The following SLC35F1 variants were observed in gnomAD, a reference collection of about 807,000 sequenced individuals.
The protein encoded by SLC35F1 is chromosome 6 open reading frame 169.
SLC35F1 carries 14 observed loss-of-function variants against 48.7 expected under a neutral mutation model. The ratio of observed to expected loss-of-function variants is 0.29; its 90% CI spans 0.19 to 0.45. The LOEUF (loss-of-function observed/expected upper bound fraction) is 0.45, where lower values mean the gene tolerates loss of function less well. SLC35F1 is among the 20% of genes least tolerant of loss of function. The pLI is 1.00. For synonymous variants in SLC35F1, 190 were observed against 202.2 expected (o/e 0.94, Z 0.51); for missense variants, 404 against 500.0 (o/e 0.81, Z 1.83).
chr6:118,193,407 G>A lies in SLC35F1; in HGVS notation c.349+38787G>A, dbSNP rs2184443. On this transcript the variant is annotated intron_variant, in intron 2 of 7. Transcript: ENST00000360388. ...AATAATACCCCTTTAACTTTAGTCA[G>A]TGTCCACACAGAATTTCTTTTTATA... Among the ~76,000 whole-genome samples the A allele has an allele frequency of 9.4e-3, 1,434 of 152,216 alleles. 26 individuals are homozygous for A. Among genetic ancestry groups the A allele is most frequent in the African/African-American group, 0.033 (1,378 of 41,536 alleles).
intron 1 of SLC35F1, among the ~76,000 whole-genome samples, chr6:118,040,664 G>C (rs920934175): frequency 6.6e-6 from 1 of 151,868 alleles, no homozygotes; most frequent in Non-Finnish European, 1.5e-5. Flanking sequence ...GGACATTAAA[G>C]GTTAGTAGTT....
At chr6:117,920,160 G>C (rs777129592) in intron 1 of SLC35F1, among the ~76,000 whole-genome samples, 18 of 152,222 alleles carry the variant, frequency 1.2e-4, no homozygotes, top group Non-Finnish European at 1.8e-4. Context: ...TCTTAGAGAG[G>C]GGCCCTGTCC....
intron 3 of SLC35F1, among the ~76,000 whole-genome samples, chr6:118,265,878 G>T (rs1213679016): frequency 6.6e-6 from 1 of 152,208 alleles, no homozygotes; most frequent in African/African-American, 2.4e-5. Flanking sequence ...GGAACTTGCA[G>T]TTCTATGTGA....
At chr6:117,998,132 C>G (rs918879814) in intron 1 of SLC35F1, among the ~76,000 whole-genome samples, 1 of 150,004 alleles carries the variant, frequency 6.7e-6, no homozygotes, top group Non-Finnish European at 1.5e-5. Context: ...ATCCTATTCT[C>G]TGATAAAACA....
intron 1 of SLC35F1, among the ~76,000 whole-genome samples, chr6:118,045,257 GAC>G (rs1385773130): frequency 1.3e-5 from 2 of 152,112 alleles, no homozygotes; most frequent in Non-Finnish European, 2.9e-5. Context: ...TTTGAAATTA[GAC>G]CTGCTTTGCA....
chr6:118,215,413 T>C (rs1402428569), intron 2 of SLC35F1, among the ~76,000 whole-genome samples: 1 of 151,872 alleles, frequency 6.6e-6, no homozygotes, highest in African/African-American at 2.4e-5. Context: ...CTAATATGTA[T>C]TAAAGGTTAT....
At chr6:118,209,065 G>C (rs1774971844) in intron 2 of SLC35F1, among the ~76,000 whole-genome samples, 1 of 152,192 alleles carries the variant, frequency 6.6e-6, no homozygotes, top group Non-Finnish European at 1.5e-5. Context: ...CTGAAGGAAG[G>C]AATGCTACAC....
At chr6:118,297,984 T>A (rs1776212746) in intron 7 of SLC35F1, among the ~76,000 whole-genome samples, 1 of 151,664 alleles carries the variant, frequency 6.6e-6, no homozygotes, top group African/African-American at 2.4e-5. Flanking sequence ...TCACATGAGA[T>A]CTGGTTGTTT....
chr6:117,937,228 G>T (rs563051597), intron 1 of SLC35F1, among the ~76,000 whole-genome samples: 2 of 152,212 alleles, frequency 1.3e-5, no homozygotes, highest in Non-Finnish European at 2.9e-5. Flanking sequence ...ATGGAAGATT[G>T]GCATTCATTC....
At chr6:118,071,330 G>C (rs993906116) in intron 1 of SLC35F1, among the ~76,000 whole-genome samples, 2 of 151,316 alleles carry the variant, frequency 1.3e-5, no homozygotes, top group African/African-American at 4.9e-5. Flanking sequence ...TTTTCCTGGA[G>C]TTTCTAATTA....
At chr6:118,265,846 A>AT (rs1775766838) in intron 3 of SLC35F1, among the ~76,000 whole-genome samples, 1 of 152,242 alleles carries the variant, frequency 6.6e-6, no homozygotes, top group Non-Finnish European at 1.5e-5. Context: ...TGGACAAATC[A>AT]TAAGTTCCTC....
At chr6:117,966,131 G>GGCC (rs1184701438) in intron 1 of SLC35F1, among the ~76,000 whole-genome samples, 4 of 101,102 alleles carry the variant, frequency 4.0e-5, no homozygotes, top group African/African-American at 1.3e-4. Context: ...GCAGGCCACC[G>GGCC]CCCCCCCCCC....
intron 1 of SLC35F1, among the ~76,000 whole-genome samples, chr6:117,969,412 T>G (rs572700404): frequency 6.6e-6 from 1 of 152,322 alleles, no homozygotes; most frequent in Non-Finnish European, 1.5e-5. Flanking sequence ...TTTTATTTCC[T>G]GATTCAGAAA....
At chr6:117,989,135 C>T (rs771168831) in intron 1 of SLC35F1, among the ~76,000 whole-genome samples, 36 of 152,166 alleles carry the variant, frequency 2.4e-4, no homozygotes, top group Non-Finnish European at 4.3e-4. Context: ...AGGGTCATTG[C>T]ATTCAGCAAT....
At chr6:118,127,743 G>C (rs2114414879) in intron 1 of SLC35F1, among the ~76,000 whole-genome samples, 1 of 151,934 alleles carries the variant, frequency 6.6e-6, no homozygotes, top group East Asian at 1.9e-4. Context: ...TCAGGACATA[G>C]GCATGGGCAA....
At chr6:118,044,490 G>A (rs1772271868) in intron 1 of SLC35F1, among the ~76,000 whole-genome samples, 1 of 152,114 alleles carries the variant, frequency 6.6e-6, no homozygotes, top group Non-Finnish European at 1.5e-5. Flanking sequence ...GGTGTTTCCT[G>A]AAGTATGCCT....
chr6:118,020,870 T>G (rs561223712), intron 1 of SLC35F1, among the ~76,000 whole-genome samples: 11 of 152,136 alleles, frequency 7.2e-5, no homozygotes, highest in Non-Finnish European at 1.2e-4. Flanking sequence ...TTTGTAGTTA[T>G]CTGAGAAAAT....
chr6:118,245,837 CTGGTGCTTTTTTTTGGTT>C (rs1775500542), intron 3 of SLC35F1, among the ~76,000 whole-genome samples: 1 of 152,140 alleles, frequency 6.6e-6, no homozygotes, highest in South Asian at 2.1e-4. Flanking sequence ...CCCAAAAAAC[CTGGTGCTTTTTTTTGGTT>C]TGCCTTCAAA....
At chr6:118,095,292 C>T (rs1773136642) in intron 1 of SLC35F1, among the ~76,000 whole-genome samples, 1 of 152,140 alleles carries the variant, frequency 6.6e-6, no homozygotes. Flanking sequence ...CAAACAGGTG[C>T]CAGCATTGAA....
Sources: allele counts gnomAD v4.1 joint callset (sites outside exome capture counted in the v4.1 genomes callset), GRCh38; gene constraint gnomAD v4.1.1; transcripts MANE v1.5; gene names NCBI Gene and HGNC (gene_info 2026-07-23, HGNC 2026-07-21).